PPM1H: variants seen among roughly 807,000 people sequenced by gnomAD.
PPM1H encodes the protein protein phosphatase 1H.
A neutral mutation model predicts 54.9 loss-of-function variants in PPM1H; 27 were observed. That is an observed-to-expected ratio of 0.49 (90% confidence interval 0.36 to 0.68). PPM1H has a LOEUF of 0.68. Among genes scored for constraint, PPM1H ranks in the 30% least tolerant of loss-of-function variants. PPM1H has a pLI of 0.00. For missense variants in PPM1H, 596 were observed against 667.8 expected, an observed-to-expected ratio of 0.89 and a Z score of 1.19; for synonymous variants, 305 against 270.8, an observed-to-expected ratio of 1.13 and a Z score of -1.24.
At chr12:62,831,135 G>A (rs1471912588) in intron 2 of PPM1H, among the ~76,000 whole-genome samples, 1 of 152,100 alleles carries the variant, frequency 6.6e-6, no homozygotes, top group Admixed American at 6.5e-5. Context: ...TTACAGGCGT[G>A]AGCCACCATG....
chr12:62,835,518 C>T (rs1272515122), intron 1 of PPM1H, among the ~76,000 whole-genome samples: 1 of 152,176 alleles, frequency 6.6e-6, no homozygotes, highest in Non-Finnish European at 1.5e-5. Context: ...TGTGAAAGAA[C>T]AATTACTGGT....
At chr12:62,846,589 C>T (rs530668633) in intron 1 of PPM1H, among the ~76,000 whole-genome samples, 1 of 151,888 alleles carries the variant, frequency 6.6e-6, no homozygotes, top group East Asian at 1.9e-4. Context: ...TCAGCTTCCC[C>T]CATCTGGTCT....
chr12:62,861,580 C>G (rs1483291484), intron 1 of PPM1H, among the ~76,000 whole-genome samples: 1 of 152,202 alleles, frequency 6.6e-6, no homozygotes, highest in Non-Finnish European at 1.5e-5. Context: ...AAATACATGT[C>G]TTATTCTCCA....
At chr12:62,867,562 C>CTTTTTTTTTTTT (rs1481926545) in intron 1 of PPM1H, among the ~76,000 whole-genome samples, 7 of 101,864 alleles carry the variant, frequency 6.9e-5, no homozygotes, top group African/African-American at 9.0e-5. Flanking sequence ...CTTATGAGCA[C>CTTTTTTTTTTTT]TATTTTTTTT....
intron 1 of PPM1H, among the ~76,000 whole-genome samples, chr12:62,882,122 A>G (rs1175835083): frequency 6.6e-6 from 1 of 152,272 alleles, no homozygotes; most frequent in Non-Finnish European, 1.5e-5. Flanking sequence ...AAATCTATAC[A>G]TATGCAAAAG....
chr12:62,728,913 A>G (rs948269628), intron 5 of PPM1H, among the ~76,000 whole-genome samples: 1 of 152,056 alleles, frequency 6.6e-6, no homozygotes, highest in African/African-American at 2.4e-5. Context: ...GGAATACAAA[A>G]TGCTTCCTCA....
chr12:62,765,436 C>T (rs1313289724), intron 4 of PPM1H, among the ~76,000 whole-genome samples: 2 of 152,196 alleles, frequency 1.3e-5, no homozygotes, highest in Non-Finnish European at 2.9e-5. Context: ...ACTGCACCTA[C>T]TTGTCTTTAA....
chr12:62,767,665 G>A (rs762332542), intron 4 of PPM1H, among the ~76,000 whole-genome samples: 3 of 152,122 alleles, frequency 2.0e-5, no homozygotes, highest in Non-Finnish European at 2.9e-5. Flanking sequence ...CCTAGGATTC[G>A]TGTAATATGA....
chr12:62,645,635 C>T lies in PPM1H; in HGVS notation c.*2854G>A, dbSNP rs970978009. On this transcript the variant is annotated 3_prime_UTR_variant, in exon 10 of 10. Transcript: ENST00000228705. Reference sequence around the variant, plus strand: ...GTTTGTTCTAAGGAAAGGAGTTTCACCAGATAGTCTGAAGAGGCCCAGCCC... The same window carrying T: ...GTTTGTTCTAAGGAAAGGAGTTTCATCAGATAGTCTGAAGAGGCCCAGCCC... 6.6e-6 allele frequency: 1 copy of T among 152,114 alleles called. No individual in the cohort carries two copies. The highest frequency in any genetic ancestry group is 1.5e-5 in the Non-Finnish European group (1 of 68,060). The allele number at this position is 152,114 out of a possible 1,614,324, so 9.4% of individuals were successfully genotyped here.
chr12:62,856,157 G>A (rs959388086), intron 1 of PPM1H, among the ~76,000 whole-genome samples: 20 of 152,170 alleles, frequency 1.3e-4, no homozygotes, highest in Non-Finnish European at 2.4e-4. Context: ...AATACTTGAG[G>A]TAGACTCTCT....
intron 4 of PPM1H, among the ~76,000 whole-genome samples, chr12:62,745,840 TGA>T (rs2076407407): frequency 1.3e-5 from 2 of 151,998 alleles, no homozygotes. Context: ...AATGCATGCA[TGA>T]CTAAAGAATT....
chr12:62,668,987 G>T (rs528896005), intron 8 of PPM1H, among the ~76,000 whole-genome samples: 1 of 152,222 alleles, frequency 6.6e-6, no homozygotes, highest in Non-Finnish European at 1.5e-5. Flanking sequence ...GCCACCAGGC[G>T]CCAGGCCTTT....
intron 7 of PPM1H, among the ~76,000 whole-genome samples, chr12:62,692,054 C>T (rs893915846): frequency 6.6e-6 from 1 of 152,170 alleles, no homozygotes; most frequent in African/African-American, 2.4e-5. Context: ...GTGTTACCCA[C>T]ACCAGTCTTT....
intron 4 of PPM1H, among the ~76,000 whole-genome samples, chr12:62,750,644 T>A (rs1232780756): frequency 1.3e-5 from 2 of 152,228 alleles, no homozygotes; most frequent in Non-Finnish European, 2.9e-5. Context: ...GGAGTGAAAT[T>A]ATTGAGCCAT....
chr12:62,797,661 GA>G (rs2076742552), intron 3 of PPM1H, among the ~76,000 whole-genome samples: 1 of 152,212 alleles, frequency 6.6e-6, no homozygotes, highest in Admixed American at 6.5e-5. Context: ...CTAATATTGA[GA>G]GGGGGAGGAA....
In PPM1H at chr12:62,831,997, G is replaced by A. The variant is rs1282044818; in HGVS notation, c.411+117C>T. 3 of 1,259,074 alleles carry A rather than the reference G, an allele frequency of 2.4e-6. No individual in the cohort carries two copies. In the African/African-American group the frequency reaches 4.5e-5, roughly 19 times the overall value. The allele number at this position is 1,259,074 out of a possible 1,614,324, so 78.0% of individuals were successfully genotyped here. On this transcript the variant is annotated intron_variant, in intron 2 of 9. Coordinates refer to ENST00000228705, the MANE Select transcript of PPM1H (RefSeq NM_020700.2). Reference sequence around the variant, plus strand: ...TAGGCCCGCCACCCCACTAACTCTGGGGACACTGCTTTCTCACTTCCATTC... The same window carrying A: ...TAGGCCCGCCACCCCACTAACTCTGAGGACACTGCTTTCTCACTTCCATTC...
chr12:62,869,280 A>G (rs1007928873), intron 1 of PPM1H, among the ~76,000 whole-genome samples: 1 of 152,192 alleles, frequency 6.6e-6, no homozygotes, highest in African/African-American at 2.4e-5. Flanking sequence ...TATTAAAGTC[A>G]TTTAAAATCT....
At chr12:62,656,167 C>T (rs1161075795) in intron 9 of PPM1H, among the ~76,000 whole-genome samples, 1 of 152,192 alleles carries the variant, frequency 6.6e-6, no homozygotes, top group African/African-American at 2.4e-5. Context: ...TCTTTTCCTT[C>T]CTAATGGACC....
At chr12:62,842,487 C>T (rs1868789478) in intron 1 of PPM1H, among the ~76,000 whole-genome samples, 1 of 152,152 alleles carries the variant, frequency 6.6e-6, no homozygotes, top group Middle Eastern at 3.2e-3. Context: ...CTAATCTCAA[C>T]AGACTTCAGA....
Sources: allele counts gnomAD v4.1 joint callset (sites outside exome capture counted in the v4.1 genomes callset), GRCh38; gene constraint gnomAD v4.1.1; transcripts MANE v1.5; gene names NCBI Gene and HGNC (gene_info 2026-07-23, HGNC 2026-07-21).